USP30: variants seen among roughly 807,000 people sequenced by gnomAD.
The protein encoded by USP30 is ubiquitin specific peptidase 30.
USP30 carries 41 observed loss-of-function variants against 68.2 expected under a neutral mutation model. That is an observed-to-expected ratio of 0.60 (90% CI 0.47 to 0.78). The LOEUF (loss-of-function observed/expected upper bound fraction) is 0.78. USP30 is among the 30% of genes least tolerant of loss of function. The pLI is 0.00. For missense variants in USP30, 522 were observed against 649.4 expected, an observed-to-expected ratio of 0.80 and a Z score of 2.13; for synonymous variants, 229 against 253.7, an observed-to-expected ratio of 0.90 and a Z score of 0.93.
intron 1 of USP30, among the ~76,000 whole-genome samples, chr12:109,055,124 T>C (rs949642387): frequency 4.6e-5 from 7 of 151,932 alleles, no homozygotes; most frequent in Non-Finnish European, 8.8e-5. Flanking sequence ...TAGAAATATA[T>C]AACTTTGTAT....
intron 3 of USP30, 136 bp from the exon 4 acceptor site, chr12:109,067,388 A>AT (rs1244914382): frequency 6.1e-6 from 4 of 660,304 alleles, no homozygotes; most frequent in Non-Finnish European, 9.9e-6. Flanking sequence ...AAATTCTGGG[A>AT]TTACAGGCAT....
chr12:109,080,894 G>A lies in USP30; in HGVS notation c.721-440G>A, dbSNP rs1246701068. Among the ~76,000 whole-genome samples the A allele has an allele frequency of 3.9e-5, 6 of 152,314 alleles. No homozygotes were observed. In the East Asian group the frequency reaches 1.2e-3, roughly 29 times the overall value. ...ACAGTATAGCCTAGGTGTGTAGTAG[G>A]CTGCACCATCTAGGTTCTTGTAAGC... On this transcript the variant is annotated intron_variant, in intron 7 of 12. Transcript: ENST00000257548.
chr12:109,059,227 CT>C (rs1201495736), intron 3 of USP30, among the ~76,000 whole-genome samples: 1 of 152,106 alleles, frequency 6.6e-6, no homozygotes, highest in Non-Finnish European at 1.5e-5. Context: ...AGAGTCTCAC[CT>C]TTTTTTCCCA....
intron 1 of USP30, among the ~76,000 whole-genome samples, chr12:109,024,643 C>G (rs375132475): frequency 5.3e-5 from 8 of 150,506 alleles, no homozygotes; most frequent in African/African-American, 1.7e-4. Flanking sequence ...TTCCCGAGAC[C>G]GAGTCTCGCT....
Position 109,085,866 on chromosome 12 carries a change from C to T in USP30, c.1489C>T (p.Leu497=), listed in dbSNP as rs779829679. The T allele has an allele frequency of 6.2e-7, 1 of 1,614,256 alleles. No individual in the cohort carries two copies. Among genetic ancestry groups the T allele is most frequent in the East Asian group, 2.2e-5 (1 of 44,890 alleles). The change falls in exon 13 of 13, where the codon CTG becomes TTG. Residue 497 remains leucine, a synonymous_variant. Transcript: ENST00000257548. Reference sequence around the variant, plus strand: ...GGTCCTGTCCTCCAGCGCCTACCTGCTGTTCTACGAGCGCGTCCTTTCCAG... The same window carrying T: ...GGTCCTGTCCTCCAGCGCCTACCTGTTGTTCTACGAGCGCGTCCTTTCCAG... ...QEVLSSSAYL[L]FYERVLSRMQ... is the part of the protein sequence containing the mutation.
chr12:109,065,646 G>A (rs982022753), intron 3 of USP30, among the ~76,000 whole-genome samples: 1 of 152,170 alleles, frequency 6.6e-6, no homozygotes, highest in African/African-American at 2.4e-5. Context: ...ACACTCTTAG[G>A]GGGTTGCCTA....
At chr12:109,038,244 A>G (rs985119248) in intron 3 of USP30, among the ~76,000 whole-genome samples, 2 of 126,976 alleles carry the variant, frequency 1.6e-5, no homozygotes, top group Non-Finnish European at 3.1e-5. Context: ...TGTTCTCACC[A>G]TGCAGCTCCC....
chr12:109,041,549 C>T lies in USP30; in HGVS notation c.-135-6041C>T, dbSNP rs75008404. 3.6e-3 allele frequency among the ~76,000 whole-genome samples: 545 copies of T among 151,918 alleles called. 3 individuals are homozygous for T. Among genetic ancestry groups the T allele is most frequent in the African/African-American group, 0.012 (496 of 41,462 alleles). ...ATTCCAGAGGCTGAGGCAGAGGAAT[C>T]GCTTGAACCTGGTAGGTGGAGGTTG... On this transcript the variant is annotated intron_variant, in intron 3 of 15. Coordinates refer to the USP30 transcript ENST00000392784.
In USP30 at chr12:109,058,005, T is replaced by A; in HGVS notation, c.273T>A (p.Ala91=). Residue 91 remains alanine, a synonymous_variant, in exon 3 of 13, where the codon GCT becomes GCA. Coordinates refer to ENST00000257548, the MANE Select transcript of USP30 (RefSeq NM_032663.5). ...SLLQGLSACP[A]FIRWLEEFTS... is the part of the protein sequence containing the mutation. ...TACAAGGCCTGTCTGCCTGTCCTGC[T>A]TTCATCAGGTGGCTGGAAGAGTTCA... is the stretch of plus-strand genomic sequence containing the variant. The A allele has an allele frequency of 6.2e-7, 1 of 1,614,184 alleles. No individual in the cohort carries two copies.
chr12:109,081,568 G>A lies in USP30; in HGVS notation c.780+175G>A, dbSNP rs76544948. The A allele has an allele frequency of 3.1e-3, 2,198 of 715,230 alleles. 38 individuals are homozygous for A. The East Asian group carries it at 0.043, about 14-fold the overall frequency. The allele number at this position is 715,230 out of a possible 1,614,324, so 44.3% of individuals were successfully genotyped here. A position where few individuals can be genotyped will look rare whatever the true frequency, so the allele number is the denominator to read the frequency against. On this transcript the variant is annotated intron_variant, in intron 8 of 12. Coordinates refer to ENST00000257548, the MANE Select transcript of USP30 (RefSeq NM_032663.5). ...ATTATGGGAGAGAGGAAAATGAATC[G>A]TTTTTCTTTTGCTCCAGAAATTTTG... is the stretch of plus-strand genomic sequence containing the variant.
intron 1 of USP30, among the ~76,000 whole-genome samples, chr12:109,055,228 AT>A (rs1424304784): frequency 2.0e-5 from 3 of 150,694 alleles, no homozygotes. Context: ...GAAATCTTTA[AT>A]TTTATAAATA....
chr12:109,060,145 G>A (rs1471311072), intron 3 of USP30: 1 of 152,008 alleles, frequency 6.6e-6, no homozygotes, highest in Non-Finnish European at 1.5e-5. Flanking sequence ...TTTGGGTGAG[G>A]GCATAGGCTG....
chr12:109,085,904 G>C lies in USP30; in HGVS notation c.1527G>C (p.Gln509His), dbSNP rs1192539339. ...YERVLSRMQH[Q>H]SQECKSEE ...GCGTCCTTTCCAGGATGCAGCACCA[G>C]AGCCAGGAGTGCAAGTCTGAAGAAT... Residue 509 changes from glutamine (Q) to histidine (H), a missense_variant, in exon 13 of 13, where the codon CAG becomes CAC. Coordinates refer to ENST00000257548, the MANE Select transcript of USP30 (RefSeq NM_032663.5). 2 of 1,614,032 alleles carry C rather than the reference G, an allele frequency of 1.2e-6. No homozygotes were observed. Among genetic ancestry groups the C allele is most frequent in the Admixed American group, 1.7e-5 (1 of 60,006 alleles).
chr12:109,058,097 A>G lies in USP30; in HGVS notation c.365A>G (p.His122Arg). Residue 122 changes from histidine to arginine, a missense_variant, in exon 3 of 13, where the codon CAC (histidine) becomes CGC (arginine). By Grantham distance (29) the His-to-Arg change is conservative. Transcript: ENST00000257548. ...SHQYLSLTLL[H>R]LLKALSCQEV... ...CAGTATTTATCCTTAACACTCTTGC[A>G]CCTTCTGAAAGGTATCTAGATGGGA... is the stretch of plus-strand genomic sequence containing the variant. 6.2e-7 allele frequency: 1 copy of G among 1,607,566 alleles called. No homozygotes were observed. Among genetic ancestry groups the G allele is most frequent in the Non-Finnish European group, 8.5e-7 (1 of 1,177,818 alleles).
chr12:109,084,866 G>A (rs2041902309), intron 11 of USP30, 87 bp from the exon 12 acceptor site: 2 of 1,378,296 alleles, frequency 1.5e-6, no homozygotes, highest in Non-Finnish European at 9.6e-7. Context: ...AGCATTATGG[G>A]GAGTTAACTT....
rs1006044030 is a variant in USP30, at chr12:109,080,123, G to A, written c.721-1211G>A. On this transcript the variant is annotated intron_variant, in intron 7 of 12. Coordinates refer to ENST00000257548, the MANE Select transcript of USP30 (RefSeq NM_032663.5). ...CTCCCTGGAGTTTCCCCCTGTGCAC[G>A]TGTGGTTCAGGGATCAGCCCTGGAA... is the stretch of plus-strand genomic sequence containing the variant. Among the ~76,000 whole-genome samples, 7 of 152,072 alleles carry A rather than the reference G, an allele frequency of 4.6e-5. No homozygotes were observed. In the South Asian group the frequency reaches 6.2e-4, roughly 14 times the overall value.
chr12:109,076,384 C>G (rs894863519), intron 7 of USP30, among the ~76,000 whole-genome samples: 12 of 145,934 alleles, frequency 8.2e-5, no homozygotes, highest in African/African-American at 3.0e-4. Context: ...AGTTTTAGTT[C>G]TTCCTTTCCA....
intron 3 of USP30, among the ~76,000 whole-genome samples, chr12:109,046,361 C>T (rs1428064484): frequency 6.6e-6 from 1 of 151,626 alleles, no homozygotes; most frequent in African/African-American, 2.4e-5. Context: ...GATCTGCCCA[C>T]CTCAGCCTCC....
At chr12:109,084,387 C>G (rs1488624235) in intron 11 of USP30, among the ~76,000 whole-genome samples, 1 of 152,150 alleles carries the variant, frequency 6.6e-6, no homozygotes, top group Non-Finnish European at 1.5e-5. Flanking sequence ...TAGAAGCTGA[C>G]AGAATTAAAG....
Sources: allele counts gnomAD v4.1 joint callset (sites outside exome capture counted in the v4.1 genomes callset), GRCh38; gene constraint gnomAD v4.1.1; transcripts MANE v1.5; gene names NCBI Gene and HGNC (gene_info 2026-07-23, HGNC 2026-07-21).